The following ANO10 variants were observed in gnomAD, a reference collection of about 807,000 sequenced individuals.
ANO10 encodes the protein anoctamin 10, also known as anoctamin-10.
Under a neutral mutation model 74.7 loss-of-function variants are expected in ANO10, and 77 were observed. The observed-to-expected ratio is 1.03, with a 90% CI of 0.86 to 1.25. ANO10 has a LOEUF of 1.25. Among genes scored for constraint, ANO10 ranks in the 50% most tolerant of loss-of-function variants. The pLI, the probability that ANO10 is intolerant of heterozygous loss-of-function variation, is 0.00. For synonymous variants in ANO10, 279 were observed against 284.9 expected (o/e 0.98, Z 0.21); for missense variants, 721 against 778.1 (o/e 0.93, Z 0.87).
At chr3:43,662,821 A>C (rs1039838743) in intron 1 of ANO10, among the ~76,000 whole-genome samples, 1 of 152,028 alleles carries the variant, frequency 6.6e-6, no homozygotes, top group Non-Finnish European at 1.5e-5. Context: ...CGACACATAC[A>C]CCCTCCCAAG....
intron 4 of ANO10, among the ~76,000 whole-genome samples, chr3:43,591,732 G>C (rs2081770781): frequency 6.6e-6 from 1 of 152,188 alleles, no homozygotes; most frequent in Non-Finnish European, 1.5e-5. Context: ...CATCTCACTG[G>C]GGCTCGTTGG....
At chr3:43,579,438 C>G (rs985935688) in intron 5 of ANO10, among the ~76,000 whole-genome samples, 3 of 152,206 alleles carry the variant, frequency 2.0e-5, no homozygotes, top group Admixed American at 6.5e-5. Context: ...TTGTCTGAGG[C>G]TGGGCACGGT....
intron 12 of ANO10, among the ~76,000 whole-genome samples, chr3:43,368,311 C>T (rs978679115): frequency 1.3e-5 from 2 of 152,148 alleles, no homozygotes; most frequent in East Asian, 3.9e-4. Context: ...GTTCTTTCTG[C>T]AGGGGCCACA....
At chr3:43,484,484 G>A (rs760512406) in intron 11 of ANO10, among the ~76,000 whole-genome samples, 1 of 152,164 alleles carries the variant, frequency 6.6e-6, no homozygotes, top group Admixed American at 6.5e-5. Context: ...AGACAGTTTT[G>A]CAGGGTAATT....
chr3:43,396,867 T>C (rs1023468207), intron 12 of ANO10, among the ~76,000 whole-genome samples: 3 of 152,082 alleles, frequency 2.0e-5, no homozygotes, highest in African/African-American at 7.2e-5. Flanking sequence ...TACTAATTTT[T>C]TTCTTCTGCA....
chr3:43,494,180 G>C (rs910112359), intron 11 of ANO10, among the ~76,000 whole-genome samples: 1 of 152,200 alleles, frequency 6.6e-6, no homozygotes, highest in Non-Finnish European at 1.5e-5. Context: ...GTGGCCAGAC[G>C]TGGTGGCTCA....
chr3:43,670,372 A>G (rs1378506841), intron 1 of ANO10, among the ~76,000 whole-genome samples: 1 of 151,882 alleles, frequency 6.6e-6, no homozygotes, highest in African/African-American at 2.4e-5. Context: ...AAATCTGGAG[A>G]TCATTTCTAA....
intron 1 of ANO10, among the ~76,000 whole-genome samples, chr3:43,641,911 A>G (rs1265005333): frequency 1.3e-5 from 2 of 152,108 alleles, no homozygotes; most frequent in Non-Finnish European, 2.9e-5. Flanking sequence ...GATCCTTACC[A>G]CCTACCCACC....
At chr3:43,582,034 G>C (rs987799120) in intron 4 of ANO10, among the ~76,000 whole-genome samples, 5 of 151,908 alleles carry the variant, frequency 3.3e-5, no homozygotes, top group Non-Finnish European at 4.4e-5. Flanking sequence ...ATCAGCTCAA[G>C]TCTTCAGAGA....
At chr3:43,645,991 T>C (rs1367190676) in intron 1 of ANO10, among the ~76,000 whole-genome samples, 1 of 151,942 alleles carries the variant, frequency 6.6e-6, no homozygotes, top group Non-Finnish European at 1.5e-5. Flanking sequence ...GTATTTTTGG[T>C]AAAAAGGGGT....
chr3:43,453,423 C>T (rs2074973505), intron 11 of ANO10, among the ~76,000 whole-genome samples: 2 of 152,128 alleles, frequency 1.3e-5, no homozygotes, highest in Non-Finnish European at 2.9e-5. Flanking sequence ...TCATGATATG[C>T]CCACCTCGGC....
At chr3:43,462,451 G>C (rs540091097) in intron 11 of ANO10, among the ~76,000 whole-genome samples, 1 of 152,046 alleles carries the variant, frequency 6.6e-6, no homozygotes, top group African/African-American at 2.4e-5. Context: ...GGCTGGTCTC[G>C]AACTCCTGAC....
intron 10 of ANO10, chr3:43,551,392 A>G (rs2079450490): frequency 2.6e-6 from 1 of 391,818 alleles, no homozygotes; most frequent in South Asian, 1.9e-5. Flanking sequence ...AAAATCACCT[A>G]TATTGAGTTA....
intron 4 of ANO10, among the ~76,000 whole-genome samples, chr3:43,588,485 A>G (rs1168212798): frequency 6.6e-6 from 1 of 152,070 alleles, no homozygotes; most frequent in Non-Finnish European, 1.5e-5. Flanking sequence ...TGTAACATCA[A>G]CTATGATAAC....
chr3:43,520,901 TC>T (rs1380705695), intron 11 of ANO10, among the ~76,000 whole-genome samples: 4 of 152,100 alleles, frequency 2.6e-5, no homozygotes, highest in African/African-American at 9.7e-5. Flanking sequence ...TCCATTTTTT[TC>T]TTTTTGATGC....
At chr3:43,645,487 CAAA>C (rs780440860) in intron 1 of ANO10, among the ~76,000 whole-genome samples, 3 of 68,774 alleles carry the variant, frequency 4.4e-5, no homozygotes, top group Non-Finnish European at 6.2e-5. Flanking sequence ...GACTCCGTCT[CAAA>C]AAAAAAAAAA....
intron 12 of ANO10, among the ~76,000 whole-genome samples, chr3:43,429,051 A>G (rs1487067229): frequency 6.6e-6 from 1 of 152,152 alleles, no homozygotes; most frequent in African/African-American, 2.4e-5. Context: ...CCTCACTGTC[A>G]GGTAAAGTGT....
intron 1 of ANO10, chr3:43,689,395 T>C (rs1233370153): frequency 6.6e-6 from 1 of 152,230 alleles, no homozygotes; most frequent in Non-Finnish European, 1.5e-5. Flanking sequence ...ATTTGTCTCC[T>C]TCATTCTTTA....
intron 1 of ANO10, among the ~76,000 whole-genome samples, chr3:43,627,572 T>C (rs2083504197): frequency 6.6e-6 from 1 of 152,228 alleles, no homozygotes; most frequent in Non-Finnish European, 1.5e-5. Flanking sequence ...ACCTTCCTAT[T>C]CAGGGGAGGT....
Sources: allele counts gnomAD v4.1 joint callset (sites outside exome capture counted in the v4.1 genomes callset), GRCh38; gene constraint gnomAD v4.1.1; transcripts MANE v1.5; gene names NCBI Gene and HGNC (gene_info 2026-07-23, HGNC 2026-07-21).